Variants in PLEKHA5 observed in about 807,000 individuals in gnomAD.
PLEKHA5 encodes the protein pleckstrin homology domain containing A5.
PLEKHA5 carries 55 observed loss-of-function variants against 181.9 expected under a neutral mutation model. That is an observed-to-expected ratio of 0.30 (90% confidence interval 0.24 to 0.38). The LOEUF is 0.38. Ranked by LOEUF, PLEKHA5 falls within the 10% of genes least tolerant of loss-of-function variation. PLEKHA5 has a pLI of 1.00. For missense variants in PLEKHA5, 1,432 were observed against 1,549.5 expected, an observed-to-expected ratio of 0.92 and a Z score of 1.27; for synonymous variants, 535 against 529.4, an observed-to-expected ratio of 1.01 and a Z score of -0.15.
chr12:19,278,387 A>G (rs1310529040), intron 11 of PLEKHA5, among the ~76,000 whole-genome samples: 5 of 152,300 alleles, frequency 3.3e-5, no homozygotes, highest in African/African-American at 9.6e-5. Context: ...TATAATTTAG[A>G]TATTAGTTTA....
At chr12:19,192,282 C>T (rs372261159) in intron 3 of PLEKHA5, among the ~76,000 whole-genome samples, 11 of 152,040 alleles carry the variant, frequency 7.2e-5, no homozygotes, top group African/African-American at 2.4e-4. Flanking sequence ...GTAAAAAGGA[C>T]AAATTTTAGA....
intron 10 of PLEKHA5, among the ~76,000 whole-genome samples, chr12:19,272,049 G>A (rs2073018983): frequency 1.3e-5 from 2 of 152,066 alleles, no homozygotes; most frequent in Admixed American, 6.6e-5. Context: ...GCTTATCACT[G>A]TAATACAACA....
intron 30 of PLEKHA5, among the ~76,000 whole-genome samples, chr12:19,369,434 C>G (rs560206532): frequency 6.6e-6 from 1 of 152,166 alleles, no homozygotes; most frequent in Admixed American, 6.6e-5. Context: ...AATCCCAACA[C>G]TTCGGGAGAC....
chr12:19,344,676 A>G (rs547744919), intron 22 of PLEKHA5, among the ~76,000 whole-genome samples: 5 of 152,372 alleles, frequency 3.3e-5, no homozygotes, highest in Non-Finnish European at 5.9e-5. Context: ...ATTATTTCAC[A>G]TTATGTTAAT....
intron 3 of PLEKHA5, among the ~76,000 whole-genome samples, chr12:19,241,953 C>T (rs984545536): frequency 6.6e-6 from 1 of 152,122 alleles, no homozygotes; most frequent in African/African-American, 2.4e-5. Context: ...AATCATATTT[C>T]TGTTTTAACC....
intron 20 of PLEKHA5, among the ~76,000 whole-genome samples, chr12:19,331,180 G>T (rs1400258829): frequency 6.6e-6 from 1 of 151,966 alleles, no homozygotes; most frequent in Non-Finnish European, 1.5e-5. Flanking sequence ...ATATTTACTT[G>T]ATTATTTTAA....
At chr12:19,264,639 A>T (rs1310338210) in intron 7 of PLEKHA5, among the ~76,000 whole-genome samples, 1 of 152,200 alleles carries the variant, frequency 6.6e-6, no homozygotes, top group Non-Finnish European at 1.5e-5. Context: ...TAGTAAAAAC[A>T]AAATTTTGTT....
At chr12:19,141,467 A>T (rs1177666316) in intron 3 of PLEKHA5, among the ~76,000 whole-genome samples, 3 of 152,234 alleles carry the variant, frequency 2.0e-5, no homozygotes, top group Admixed American at 1.3e-4. Context: ...GGAAGTCAAG[A>T]TGTGAAAGAC....
At chr12:19,296,255 TACTC>T (rs2079759579) in intron 15 of PLEKHA5, among the ~76,000 whole-genome samples, 1 of 149,328 alleles carries the variant, frequency 6.7e-6, no homozygotes, top group African/African-American at 2.5e-5. Context: ...AAAAAAAAAT[TACTC>T]AGTGTGGCCA....
intron 28 of PLEKHA5, among the ~76,000 whole-genome samples, chr12:19,359,807 C>CA (rs372854874): frequency 6.1e-5 from 9 of 148,380 alleles, no homozygotes; most frequent in Admixed American, 3.4e-4. Flanking sequence ...ACTAAAAATG[C>CA]AAAAAAAAAT....
intron 3 of PLEKHA5, among the ~76,000 whole-genome samples, chr12:19,137,318 C>T (rs572808035): frequency 6.6e-6 from 1 of 152,210 alleles, no homozygotes; most frequent in South Asian, 2.1e-4. Flanking sequence ...ATTACCACCA[C>T]CCCTGGCCAA....
At chr12:19,245,413 G>C (rs893519240) in intron 3 of PLEKHA5, among the ~76,000 whole-genome samples, 13 of 152,188 alleles carry the variant, frequency 8.5e-5, no homozygotes, top group Middle Eastern at 3.4e-3. Flanking sequence ...TTATTTTGCC[G>C]TTGGTTGAAT....
At chr12:19,177,601 T>G (rs1279015736) in intron 3 of PLEKHA5, among the ~76,000 whole-genome samples, 1 of 152,210 alleles carries the variant, frequency 6.6e-6, no homozygotes, top group Non-Finnish European at 1.5e-5. Context: ...TGTGCTCTTC[T>G]TTTGGTAATG....
At chr12:19,359,205 C>T (rs554297442) in intron 27 of PLEKHA5, among the ~76,000 whole-genome samples, 16 of 152,186 alleles carry the variant, frequency 1.1e-4, no homozygotes, top group African/African-American at 3.4e-4. Flanking sequence ...CTGCAAATTA[C>T]AAAATGAATG....
intron 3 of PLEKHA5, among the ~76,000 whole-genome samples, chr12:19,136,194 T>G (rs1289370551): frequency 1.3e-5 from 2 of 152,220 alleles, no homozygotes; most frequent in Non-Finnish European, 2.9e-5. Flanking sequence ...CAAAAATCTT[T>G]ATCTTTAAAG....
intron 3 of PLEKHA5, among the ~76,000 whole-genome samples, chr12:19,212,840 T>G (rs1355590313): frequency 8.6e-5 from 13 of 150,616 alleles, no homozygotes; most frequent in East Asian, 3.9e-4. Context: ...TTGTTGTTTT[T>G]TTTTTTTTTT....
At chr12:19,288,113 G>A (rs1207549239) in intron 13 of PLEKHA5, 3 of 307,732 alleles carry the variant, frequency 9.7e-6, no homozygotes, top group East Asian at 1.9e-4. Context: ...TTTATTGTAT[G>A]AACTAGGTGG....
Position 19,130,878 on chromosome 12 carries a change from G to A in PLEKHA5, c.169+748G>A, listed in dbSNP as rs1041559042. 6.6e-6 allele frequency: 1 copy of A among 152,260 alleles called. No individual in the cohort carries two copies. The highest frequency in any genetic ancestry group is 1.5e-5 in the Non-Finnish European group (1 of 68,086). The allele number at this position is 152,260 out of a possible 1,614,324, so 9.4% of individuals were successfully genotyped here. A position where few individuals can be genotyped will look rare whatever the true frequency, so the allele number is the denominator to read the frequency against. ...CAGCCGCACGGAGGTTGCACAGACT[G>A]CCAGGAGGCGGTGGGCGTGCGAGGG... On this transcript the variant is annotated intron_variant, in intron 2 of 31. Coordinates refer to ENST00000429027, the MANE Select transcript of PLEKHA5 (RefSeq NM_001256470.2). This position sits in a 1 kb window ranked among gnomAD's most constrained non-coding sequence, Gnocchi z 4.5.
At position 19,132,612 on chromosome 12, in the gene PLEKHA5, GA is replaced by G. The variant is rs1165617926; in HGVS notation, c.227+166del. Among the ~76,000 whole-genome samples the G allele has an allele frequency of 4.6e-5, 7 of 152,166 alleles. No individual in the cohort carries two copies. The South Asian group carries it at 1.5e-3, about 32-fold the overall frequency. ...GTATAGTGTCAGAATTTTGAGAGAA[GA>G]AAATGGCACTCTTACTTTTCTAATG... On this transcript the variant is annotated intron_variant, in intron 3 of 31. Coordinates refer to ENST00000429027, the MANE Select transcript of PLEKHA5 (RefSeq NM_001256470.2).
Sources: gnomAD v4.1 joint callset for allele counts (sites outside exome capture counted in the v4.1 genomes callset) on GRCh38, gnomAD v4.1.1 for gene constraint, Gnocchi (gnomAD v3.1) non-coding constraint, MANE v1.5 for transcripts, NCBI Gene and HGNC (gene_info 2026-07-23, HGNC 2026-07-21) for gene names.